PRIM2: variants seen among roughly 807,000 people sequenced by gnomAD.
PRIM2 encodes the protein DNA primase large subunit.
In PRIM2, 39 loss-of-function variants were observed where a neutral mutation model predicts 67.3. The ratio of observed to expected loss-of-function variants is 0.58; its 90% CI spans 0.45 to 0.76. PRIM2 has a LOEUF of 0.76. Among genes scored for constraint, PRIM2 ranks in the 30% least tolerant of loss-of-function variants. The pLI is 0.00. For missense variants in PRIM2, 398 were observed against 598.7 expected (o/e 0.66, Z 3.50); for synonymous variants, 143 against 198.7 (o/e 0.72, Z 2.36).
intron 13 of PRIM2, among the ~76,000 whole-genome samples, chr6:57,642,567 C>T (rs1410650616): frequency 2.0e-5 from 3 of 149,730 alleles, no homozygotes; most frequent in Admixed American, 6.7e-5. Flanking sequence ...CTCAGCCTCC[C>T]GTGTAGCTGG....
intron 8 of PRIM2, among the ~76,000 whole-genome samples, chr6:57,514,382 C>T (rs1554348021): frequency 7.2e-5 from 11 of 152,032 alleles, no homozygotes; most frequent in South Asian, 4.2e-4. Flanking sequence ...TGAAAATAAA[C>T]GCCAGAAAAT....
chr6:57,243,561 C>T, the PRIM2 span, among the ~76,000 whole-genome samples: 11 of 152,100 alleles, frequency 7.2e-5, no homozygotes, highest in East Asian at 1.9e-4. Context: ...CTCCGCCTGC[C>T]GGGTTCAAAT....
At chr6:57,238,387 C>G in the PRIM2 span, among the ~76,000 whole-genome samples, 1 of 152,140 alleles carries the variant, frequency 6.6e-6, no homozygotes, top group Non-Finnish European at 1.5e-5. Flanking sequence ...TGCAATCAAA[C>G]TAGAACTCAG....
At chr6:57,457,238 G>C (rs1325317579) in intron 7 of PRIM2, among the ~76,000 whole-genome samples, 2 of 152,230 alleles carry the variant, frequency 1.3e-5, no homozygotes, top group African/African-American at 2.4e-5. Flanking sequence ...GGGGGTCAGG[G>C]ACCCACTTGA....
At chr6:57,524,187 GT>G (rs1774692088) in intron 8 of PRIM2, among the ~76,000 whole-genome samples, 1 of 152,152 alleles carries the variant, frequency 6.6e-6, no homozygotes, top group South Asian at 2.1e-4. Context: ...TGTTTTGTAT[GT>G]TTTGAAAGTC....
intron 12 of PRIM2, among the ~76,000 whole-genome samples, chr6:57,622,837 A>G (rs1210392384): frequency 6.6e-6 from 1 of 152,200 alleles, no homozygotes; most frequent in African/African-American, 2.4e-5. Context: ...AAACTGGCAA[A>G]TGCCTTTTAA....
chr6:57,443,221 A>G (rs1772258443), intron 7 of PRIM2, among the ~76,000 whole-genome samples: 1 of 152,172 alleles, frequency 6.6e-6, no homozygotes, highest in African/African-American at 2.4e-5. Flanking sequence ...GGGAGTGCAG[A>G]TACCTCCTCA....
intron 7 of PRIM2, among the ~76,000 whole-genome samples, chr6:57,484,205 C>T (rs1222607503): frequency 6.6e-6 from 1 of 152,128 alleles, no homozygotes; most frequent in Admixed American, 6.5e-5. Flanking sequence ...AAAGCTTTAG[C>T]ACATGGAACA....
chr6:57,235,351 C>T, the PRIM2 span, among the ~76,000 whole-genome samples: 1 of 152,048 alleles, frequency 6.6e-6, no homozygotes. Flanking sequence ...GTAATTCCAG[C>T]TACTCAGGAG....
the PRIM2 span, among the ~76,000 whole-genome samples, chr6:57,291,795 A>C: frequency 6.6e-6 from 1 of 152,228 alleles, no homozygotes; most frequent in African/African-American, 2.4e-5. Context: ...AAAATTCAAC[A>C]GCCCTTCATC....
the PRIM2 span, among the ~76,000 whole-genome samples, chr6:57,246,400 G>A: frequency 6.6e-6 from 1 of 152,176 alleles, no homozygotes; most frequent in Admixed American, 6.5e-5. Flanking sequence ...AAATACAGCT[G>A]GAGAAGTGCT....
chr6:57,453,655 G>A (rs1244626168), intron 7 of PRIM2, among the ~76,000 whole-genome samples: 3 of 152,186 alleles, frequency 2.0e-5, no homozygotes, highest in African/African-American at 4.8e-5. Flanking sequence ...AGACTTTGCC[G>A]AAGTTGCCTA....
At chr6:57,618,736 A>G (rs1776797404) in intron 12 of PRIM2, among the ~76,000 whole-genome samples, 3 of 152,000 alleles carry the variant, frequency 2.0e-5, no homozygotes, top group Non-Finnish European at 2.9e-5. Context: ...GTGACCTGGG[A>G]ATCTCACCCC....
At chr6:57,576,311 G>A (rs1775964330) in intron 10 of PRIM2, among the ~76,000 whole-genome samples, 1 of 151,744 alleles carries the variant, frequency 6.6e-6, no homozygotes, top group Admixed American at 6.6e-5. Context: ...GGGAAAAAAT[G>A]CAATTTGTCT....
At chr6:57,467,666 C>T (rs1465804936) in intron 7 of PRIM2, among the ~76,000 whole-genome samples, 4 of 152,046 alleles carry the variant, frequency 2.6e-5, no homozygotes, top group Non-Finnish European at 5.9e-5. Flanking sequence ...CTGTGAAGAA[C>T]GTAAACGGTA....
chr6:57,467,744 T>C (rs1380380831), intron 7 of PRIM2, among the ~76,000 whole-genome samples: 12 of 150,708 alleles, frequency 8.0e-5, no homozygotes, highest in Non-Finnish European at 1.8e-4. Flanking sequence ...TGATATTGAT[T>C]CTTCATATTC....
chr6:57,442,330 A>T (rs1772226672), intron 7 of PRIM2, among the ~76,000 whole-genome samples: 1 of 151,960 alleles, frequency 6.6e-6, no homozygotes, highest in African/African-American at 2.4e-5. Flanking sequence ...GTCATTTTCT[A>T]TTTTGGTTCA....
chr6:57,311,919 G>A (rs1047795231), upstream of PRIM2, among the ~76,000 whole-genome samples: 10 of 151,602 alleles, frequency 6.6e-5, no homozygotes, highest in Non-Finnish European at 1.3e-4. Context: ...GCCGAGGCGG[G>A]AGAATCACCG....
intron 7 of PRIM2, chr6:57,383,380 G>C (rs537709635): frequency 2.0e-5 from 3 of 152,038 alleles, no homozygotes; most frequent in Non-Finnish European, 2.9e-5. Flanking sequence ...TTAAATGCTG[G>C]TGGTGGACCC....
Sources: allele counts gnomAD v4.1 joint callset (sites outside exome capture counted in the v4.1 genomes callset), GRCh38; gene constraint gnomAD v4.1.1; transcripts MANE v1.5; gene names NCBI Gene and HGNC (gene_info 2026-07-23, HGNC 2026-07-21).